CAB39: variants seen among roughly 807,000 people sequenced by gnomAD.
The protein encoded by CAB39 is calcium binding protein 39.
Under a neutral mutation model 40.0 loss-of-function variants are expected in CAB39, and 8 were observed. That is an observed-to-expected ratio of 0.20 (90% CI 0.12 to 0.36). The LOEUF is 0.36. Among genes scored for constraint, CAB39 ranks in the 10% least tolerant of loss-of-function variants. The pLI, the probability that CAB39 is intolerant of heterozygous loss-of-function variation, is 1.00. For missense variants in CAB39, 270 were observed against 401.1 expected (o/e 0.67, Z 2.79); for synonymous variants, 156 against 141.6 (o/e 1.10, Z -0.72).
chr2:230,818,382 G>A, intron 8 of CAB39, 134 bp from the exon 9 acceptor site: 1 of 630,910 alleles, frequency 1.6e-6, no homozygotes. Flanking sequence ...GCCTTCTAAA[G>A]CAAAACCTAA....
At chr2:230,800,494 G>A (rs1696070484) in intron 5 of CAB39, among the ~76,000 whole-genome samples, 1 of 152,214 alleles carries the variant, frequency 6.6e-6, no homozygotes, top group African/African-American at 2.4e-5. Context: ...TGATGTCTTA[G>A]GTGTCACCAC....
intron 4 of CAB39, among the ~76,000 whole-genome samples, chr2:230,795,927 C>G (rs1484452273): frequency 6.6e-6 from 1 of 152,046 alleles, no homozygotes; most frequent in Non-Finnish European, 1.5e-5. Context: ...TATAAACTCA[C>G]GTTTTTGTCT....
chr2:230,817,769 C>G lies in CAB39; in HGVS notation c.709C>G (p.Leu237Val). 4 of 1,605,684 alleles carry G rather than the reference C, an allele frequency of 2.5e-6. No homozygotes were observed. The highest frequency in any genetic ancestry group is 3.4e-6 in the Non-Finnish European group (4 of 1,175,792). ...GTCTTCTCAGCTTCTCGGTGAACTA[C>G]TACTAGATAGACACAACTTCACAAT... ...RQSLKLLGEL[L>V]LDRHNFTIMT... The change falls in exon 8 of 9, where the codon CTA becomes GTA. Residue 237 changes from leucine to valine, a missense_variant. Physicochemically the swap from Leu to Val is conservative, Grantham distance 32 (BLOSUM62 1). Transcript: ENST00000258418.
chr2:230,774,213 G>A (rs1695544591), intron 2 of CAB39, among the ~76,000 whole-genome samples: 1 of 152,022 alleles, frequency 6.6e-6, no homozygotes, highest in Non-Finnish European at 1.5e-5. Flanking sequence ...ATGTCCCTGG[G>A]CTTTTTCCAT....
chr2:230,731,732 G>A (rs530550162), intron 1 of CAB39, among the ~76,000 whole-genome samples: 1 of 152,128 alleles, frequency 6.6e-6, no homozygotes, highest in Non-Finnish European at 1.5e-5. Flanking sequence ...CTGGCCTTAG[G>A]CAATTCTCCT....
intron 5 of CAB39, among the ~76,000 whole-genome samples, chr2:230,809,708 A>G (rs1053760183): frequency 6.6e-6 from 1 of 152,228 alleles, no homozygotes; most frequent in Non-Finnish European, 1.5e-5. Flanking sequence ...TGTTAATTCT[A>G]CGTTATCGTA....
intron 1 of CAB39, among the ~76,000 whole-genome samples, chr2:230,741,680 A>G (rs1243393161): frequency 6.6e-6 from 1 of 152,216 alleles, no homozygotes; most frequent in Non-Finnish European, 1.5e-5. Flanking sequence ...ATCCAATTCT[A>G]AAGGCACGTG....
intron 5 of CAB39, among the ~76,000 whole-genome samples, chr2:230,805,276 G>A (rs183755742): frequency 1.3e-5 from 2 of 152,166 alleles, no homozygotes; most frequent in Admixed American, 6.5e-5. Flanking sequence ...GGGAGGGATA[G>A]CATTAAGAGA....
intron 5 of CAB39, chr2:230,799,193 G>T (rs892702612): frequency 1.3e-5 from 3 of 227,188 alleles, no homozygotes; most frequent in Non-Finnish European, 2.3e-5. Flanking sequence ...TAACAACCAG[G>T]TTTTCTCCTG....
chr2:230,742,625 A>G (rs1279455785), intron 1 of CAB39, among the ~76,000 whole-genome samples: 3 of 152,196 alleles, frequency 2.0e-5, no homozygotes, highest in Admixed American at 1.3e-4. Flanking sequence ...ATATCCTACA[A>G]GTCAATAAGA....
Position 230,766,892 on chromosome 2 carries a change from C to G in CAB39, c.114+6777C>G, listed in dbSNP as rs536873925. Among the ~76,000 whole-genome samples the G allele has an allele frequency of 9.2e-5, 14 of 152,214 alleles. No homozygotes were observed. In the South Asian group the frequency reaches 2.9e-3, roughly 32 times the overall value. ...ATCCCAATCATATCACCAACCATAT[C>G]TAGAAAATGTAATTTTACAAGAAAG... On this transcript the variant is annotated intron_variant, in intron 2 of 8. Transcript: ENST00000258418.
chr2:230,813,978 C>CTTGTTTTT, intron 6 of CAB39, 71 bp from the exon 7 acceptor site: 7 of 111,336 alleles, frequency 6.3e-5, no homozygotes, highest in East Asian at 6.9e-4. Context: ...ACCTACCAGT[C>CTTGTTTTT]TTTTTTTTTT....
At chr2:230,808,776 G>A (rs1696250193) in intron 5 of CAB39, among the ~76,000 whole-genome samples, 1 of 152,140 alleles carries the variant, frequency 6.6e-6, no homozygotes, top group Admixed American at 6.5e-5. Flanking sequence ...GTAAATCTTT[G>A]GGGTGGGGTT....
intron 1 of CAB39, among the ~76,000 whole-genome samples, chr2:230,753,110 A>AAAAT (rs752411373): frequency 2.6e-5 from 4 of 152,182 alleles, no homozygotes; most frequent in Non-Finnish European, 5.9e-5. Flanking sequence ...TGCAGAAAGG[A>AAAAT]AAATAAATAA....
intron 1 of CAB39, among the ~76,000 whole-genome samples, chr2:230,758,612 A>T (rs1298230264): frequency 1.3e-5 from 2 of 152,246 alleles, no homozygotes; most frequent in African/African-American, 4.8e-5. Flanking sequence ...TTTGTTCATC[A>T]AATCTTAGGT....
At chr2:230,719,109 G>A (rs886816348) in intron 1 of CAB39, among the ~76,000 whole-genome samples, 8 of 152,156 alleles carry the variant, frequency 5.3e-5, no homozygotes, top group South Asian at 2.1e-4. Context: ...TTTGGGAGGC[G>A]TGTATGAAGT....
At chr2:230,812,181 G>A (rs1283971057) in intron 6 of CAB39, among the ~76,000 whole-genome samples, 4 of 152,182 alleles carry the variant, frequency 2.6e-5, no homozygotes, top group South Asian at 2.1e-4. Flanking sequence ...CAAAAGAAAC[G>A]TAGCCTTTCC....
At chr2:230,778,245 C>A (rs1275851165) in intron 2 of CAB39, among the ~76,000 whole-genome samples, 1 of 152,140 alleles carries the variant, frequency 6.6e-6, no homozygotes, top group East Asian at 1.9e-4. Context: ...AAGTAAAGTC[C>A]TGTCCCTTCA....
At chr2:230,808,990 G>A (rs1385891477) in intron 5 of CAB39, among the ~76,000 whole-genome samples, 1 of 152,242 alleles carries the variant, frequency 6.6e-6, no homozygotes, top group Admixed American at 6.5e-5. Context: ...TGTAGCATAA[G>A]AGAGACTTGA....
Sources: allele counts gnomAD v4.1 joint callset (sites outside exome capture counted in the v4.1 genomes callset), GRCh38; gene constraint gnomAD v4.1.1; transcripts MANE v1.5; gene names NCBI Gene and HGNC (gene_info 2026-07-23, HGNC 2026-07-21).